The following SAMD5 variants were observed in gnomAD, a reference collection of about 807,000 sequenced individuals.
SAMD5 encodes the protein sterile alpha motif domain-containing protein 5.
SAMD5 carries 13 observed loss-of-function variants against 11.3 expected under a neutral mutation model. That is an observed-to-expected ratio of 1.15 (90% confidence interval 0.75 to 1.83). SAMD5 has a LOEUF of 1.83. Among genes scored for constraint, SAMD5 ranks in the 40% most tolerant of loss-of-function variants. The probability of loss-of-function intolerance (pLI) is 0.00; values close to 1 mark genes in which losing one functional copy is unlikely to be tolerated. For synonymous variants in SAMD5, 129 were observed against 111.3 expected (o/e 1.16, Z -1.00); for missense variants, 255 against 239.1 (o/e 1.07, Z -0.44).
chr6:147,546,624 T>C (rs1788691871), intron 1 of SAMD5, among the ~76,000 whole-genome samples: 1 of 151,832 alleles, frequency 6.6e-6, no homozygotes, highest in African/African-American at 2.4e-5. Flanking sequence ...CCCCAACCTA[T>C]CTGTAAGAGA....
the SAMD5 span, among the ~76,000 whole-genome samples, chr6:147,850,038 C>A: frequency 6.6e-6 from 1 of 152,164 alleles, no homozygotes; most frequent in Admixed American, 6.5e-5. Context: ...GGCTTCTTTA[C>A]AATGTATGCT....
the SAMD5 span, among the ~76,000 whole-genome samples, chr6:147,803,667 G>A: frequency 6.6e-6 from 1 of 152,180 alleles, no homozygotes; most frequent in Non-Finnish European, 1.5e-5. Context: ...CCTCCAGCAT[G>A]TAGACAAGAC....
chr6:147,587,570 A>C (rs1789393299), intron 1 of SAMD5, among the ~76,000 whole-genome samples: 2 of 152,164 alleles, frequency 1.3e-5, no homozygotes, highest in African/African-American at 4.8e-5. Context: ...TTCTAGAAAA[A>C]TATCATCTGG....
chr6:147,633,693 CTTTTTTT>C, intron 1 of SAMD5, among the ~76,000 whole-genome samples: 1 of 139,440 alleles, frequency 7.2e-6, no homozygotes, highest in South Asian at 2.3e-4. Context: ...TCAGATAATG[CTTTTTTT>C]TTTTTTTTTA....
At chr6:147,608,447 A>T (rs1382842755) in intron 1 of SAMD5, among the ~76,000 whole-genome samples, 1 of 152,218 alleles carries the variant, frequency 6.6e-6, no homozygotes, top group East Asian at 1.9e-4. Context: ...ACAATGGAGT[A>T]CTATTCAGCC....
intron 1 of SAMD5, among the ~76,000 whole-genome samples, chr6:147,594,482 A>G (rs921330543): frequency 6.6e-6 from 1 of 152,180 alleles, no homozygotes; most frequent in Non-Finnish European, 1.5e-5. Flanking sequence ...ATTGAGACCG[A>G]GTTTGTTCTA....
chr6:147,569,708 A>G lies in SAMD5; in HGVS notation c.*5252A>G, dbSNP rs909632708. 12 of 985,202 alleles carry G rather than the reference A, an allele frequency of 1.2e-5. No homozygotes were observed. In the African/African-American group the frequency reaches 1.4e-4, roughly 11 times the overall value. 61.0% of individuals were successfully genotyped at this position (985,202 alleles called of 1,614,324 possible). A position where few individuals can be genotyped will look rare whatever the true frequency, so the allele number is the denominator to read the frequency against. On this transcript the variant is annotated 3_prime_UTR_variant, in exon 2 of 2. Coordinates refer to ENST00000367474, the MANE Select transcript of SAMD5 (RefSeq NM_001030060.3). ...GTTTAGAGATACTATTCGGGTTGCT[A>G]AAGCCATTATTCATAGAAAATTTCT... is the stretch of plus-strand genomic sequence containing the variant.
chr6:147,920,239 G>C, the SAMD5 span, among the ~76,000 whole-genome samples: 9 of 152,168 alleles, frequency 5.9e-5, no homozygotes, highest in African/African-American at 2.2e-4. Context: ...AATAAAGCAG[G>C]CAGAAGAGCG....
the SAMD5 span, among the ~76,000 whole-genome samples, chr6:147,774,116 A>G: frequency 1.3e-5 from 2 of 152,176 alleles, no homozygotes; most frequent in African/African-American, 4.8e-5. Flanking sequence ...TGCTGAGATT[A>G]TAAGTGTGAG....
chr6:147,778,444 C>A, the SAMD5 span, among the ~76,000 whole-genome samples: 1 of 152,146 alleles, frequency 6.6e-6, no homozygotes, highest in South Asian at 2.1e-4. Flanking sequence ...AAGGCAGATT[C>A]CAAGCCCCTC....
intron 1 of SAMD5, among the ~76,000 whole-genome samples, chr6:147,606,597 A>G (rs1472680478): frequency 6.6e-6 from 1 of 152,100 alleles, no homozygotes; most frequent in East Asian, 1.9e-4. Flanking sequence ...TTTTAAATAG[A>G]GTCTAGATAG....
the SAMD5 span, among the ~76,000 whole-genome samples, chr6:147,872,637 T>A: frequency 6.6e-6 from 1 of 152,144 alleles, no homozygotes; most frequent in Non-Finnish European, 1.5e-5. Flanking sequence ...TTTTCCCTAG[T>A]GGAGTATGGA....
At chr6:147,560,747 C>A (rs1788934543) in intron 1 of SAMD5, among the ~76,000 whole-genome samples, 2 of 152,176 alleles carry the variant, frequency 1.3e-5, no homozygotes, top group African/African-American at 4.8e-5. Context: ...ATAATAGTTT[C>A]TTTATTCATT....
the SAMD5 span, among the ~76,000 whole-genome samples, chr6:147,869,946 G>T: frequency 1.3e-5 from 2 of 152,040 alleles, no homozygotes; most frequent in Admixed American, 1.3e-4. Flanking sequence ...GAACTCCTGG[G>T]CTCAAGTGAT....
At chr6:147,632,877 T>C (rs1790171812) in intron 1 of SAMD5, among the ~76,000 whole-genome samples, 1 of 152,242 alleles carries the variant, frequency 6.6e-6, no homozygotes, top group South Asian at 2.1e-4. Context: ...AATTCAAACA[T>C]CTTAAAATTA....
the SAMD5 span, among the ~76,000 whole-genome samples, chr6:147,818,285 C>T: frequency 1.3e-5 from 2 of 152,100 alleles, no homozygotes; most frequent in Non-Finnish European, 2.9e-5. Flanking sequence ...CAGTTTCTTC[C>T]ATTGCAAGAA....
At chr6:147,743,073 A>G in the SAMD5 span, 1 of 152,192 alleles carries the variant, frequency 6.6e-6, no homozygotes, top group African/African-American at 2.4e-5. Flanking sequence ...CAACCCATCA[A>G]TTTATGAAAG....
intron 1 of SAMD5, among the ~76,000 whole-genome samples, chr6:147,688,132 T>A (rs1194431781): frequency 6.6e-6 from 1 of 152,146 alleles, no homozygotes; most frequent in Non-Finnish European, 1.5e-5. Flanking sequence ...CCTTTGTTTC[T>A]GTTTTCCTTC....
At chr6:147,872,292 C>G in the SAMD5 span, among the ~76,000 whole-genome samples, 1 of 151,872 alleles carries the variant, frequency 6.6e-6, no homozygotes, top group Non-Finnish European at 1.5e-5. Context: ...GAGATGGGGT[C>G]TTGCTCTGTT....
Sources: gnomAD v4.1 joint callset for allele counts (sites outside exome capture counted in the v4.1 genomes callset) on GRCh38, gnomAD v4.1.1 for gene constraint, MANE v1.5 for transcripts, NCBI Gene and HGNC (gene_info 2026-07-23, HGNC 2026-07-21) for gene names.